Variants in CALN1 observed in about 807,000 individuals in gnomAD.
CALN1 encodes calneuron 1.
Under a neutral mutation model 30.6 loss-of-function variants are expected in CALN1, and 17 were observed. The observed-to-expected ratio is 0.56, with a 90% confidence interval of 0.38 to 0.83. The LOEUF is 0.83. CALN1 is among the 40% of genes least tolerant of loss of function. CALN1 has a pLI of 0.00. For synonymous variants in CALN1, 156 were observed against 131.4 expected (o/e 1.19, Z -1.28); for missense variants, 291 against 354.9 (o/e 0.82, Z 1.45).
intron 4 of CALN1, among the ~76,000 whole-genome samples, chr7:72,077,907 G>A (rs548194277): frequency 2.0e-5 from 3 of 152,196 alleles, no homozygotes; most frequent in Non-Finnish European, 2.9e-5. Context: ...TGGAAACATC[G>A]AGGCTCCTCC....
the CALN1 span, among the ~76,000 whole-genome samples, chr7:72,487,917 A>AAGGAAG: frequency 4.2e-4 from 26 of 62,268 alleles, no homozygotes; most frequent in Non-Finnish European, 6.1e-4. Context: ...AAAGAAAGAA[A>AAGGAAG]GAAGGAAGGA....
chr7:71,931,142 T>C (rs1039870939), intron 5 of CALN1, among the ~76,000 whole-genome samples: 1 of 152,242 alleles, frequency 6.6e-6, no homozygotes, highest in African/African-American at 2.4e-5. Context: ...TTTTGAAATG[T>C]GGGTACATGA....
chr7:72,286,839 A>G (rs1798112734), intron 2 of CALN1, among the ~76,000 whole-genome samples: 2 of 152,228 alleles, frequency 1.3e-5, no homozygotes, highest in Non-Finnish European at 2.9e-5. Context: ...TATTGCCAAT[A>G]ATGATATAAT....
chr7:71,795,685 AG>A (rs1786856627), intron 6 of CALN1, among the ~76,000 whole-genome samples: 1 of 152,166 alleles, frequency 6.6e-6, no homozygotes, highest in Admixed American at 6.6e-5. Flanking sequence ...TCTGTCTCTA[AG>A]GATTTGCCTG....
intron 3 of CALN1, among the ~76,000 whole-genome samples, chr7:72,268,793 C>CCACACACACAAACA (rs56386718): frequency 0.069 from 10,058 of 145,814 alleles, 502 homozygotes; most frequent in Middle Eastern, 0.11. Context: ...CAAGACCCTG[C>CCACACACACAAACA]CACACACACA....
the CALN1 span, among the ~76,000 whole-genome samples, chr7:72,497,734 A>G: frequency 6.6e-6 from 1 of 152,188 alleles, no homozygotes; most frequent in Non-Finnish European, 1.5e-5. Context: ...AGTCTCTACA[A>G]TGTATCATCC....
At chr7:72,038,834 G>A (rs773934182) in intron 4 of CALN1, among the ~76,000 whole-genome samples, 4 of 152,166 alleles carry the variant, frequency 2.6e-5, no homozygotes, top group Non-Finnish European at 5.9e-5. Context: ...AAAAAGGGGA[G>A]GCATAAATAA....
chr7:72,053,427 G>A (rs1802968134), intron 4 of CALN1, among the ~76,000 whole-genome samples: 1 of 152,202 alleles, frequency 6.6e-6, no homozygotes, highest in Non-Finnish European at 1.5e-5. Context: ...CACATACCCA[G>A]TAATGGGAGT....
chr7:72,172,792 C>T (rs567849489), intron 3 of CALN1, among the ~76,000 whole-genome samples: 11 of 152,252 alleles, frequency 7.2e-5, no homozygotes, highest in African/African-American at 2.6e-4. Flanking sequence ...GTAATTTCCT[C>T]AGTCTGATAA....
At chr7:72,011,389 C>A (rs189787129) in intron 5 of CALN1, among the ~76,000 whole-genome samples, 1 of 152,102 alleles carries the variant, frequency 6.6e-6, no homozygotes, top group African/African-American at 2.4e-5. Flanking sequence ...TTGGCTGCAC[C>A]GTTGAACCTC....
intron 4 of CALN1, among the ~76,000 whole-genome samples, chr7:72,100,451 G>C (rs891361066): frequency 2.0e-5 from 3 of 151,842 alleles, no homozygotes; most frequent in African/African-American, 7.3e-5. Context: ...CGAAGTGCTG[G>C]GATTACAAAA....
At chr7:72,388,027 C>CA (rs1287208520) in intron 2 of CALN1, among the ~76,000 whole-genome samples, 1 of 152,056 alleles carries the variant, frequency 6.6e-6, no homozygotes, top group African/African-American at 2.4e-5. Context: ...TAGGTTGGTG[C>CA]AAAAGTAATT....
chr7:72,203,822 C>T (rs10238190), intron 3 of CALN1, among the ~76,000 whole-genome samples: 4 of 151,442 alleles, frequency 2.6e-5, no homozygotes, highest in African/African-American at 9.7e-5. Flanking sequence ...ATTTTTTTTT[C>T]TAAGTGCAAA....
At chr7:72,386,921 A>G (rs986472820) in intron 2 of CALN1, among the ~76,000 whole-genome samples, 7 of 152,016 alleles carry the variant, frequency 4.6e-5, no homozygotes, top group Non-Finnish European at 1.0e-4. Context: ...GTACATACAT[A>G]GTTTAGTATA....
intron 6 of CALN1, among the ~76,000 whole-genome samples, chr7:71,806,306 CTTT>C (rs774646277): frequency 1.0e-4 from 14 of 136,658 alleles, no homozygotes; most frequent in African/African-American, 3.1e-4. Context: ...TTTCCCCCTC[CTTT>C]TTTTTTTTTT....
At chr7:71,831,042 C>T (rs934026853) in intron 5 of CALN1, among the ~76,000 whole-genome samples, 2 of 152,040 alleles carry the variant, frequency 1.3e-5, no homozygotes, top group Admixed American at 1.3e-4. Flanking sequence ...CCTCCTCATG[C>T]ACATAAATGC....
intron 3 of CALN1, among the ~76,000 whole-genome samples, chr7:72,276,376 T>A (rs1215106527): frequency 6.6e-6 from 1 of 152,234 alleles, no homozygotes; most frequent in Non-Finnish European, 1.5e-5. Context: ...GCTGAATGTT[T>A]GGGTCCCCCC....
intron 1 of CALN1, among the ~76,000 whole-genome samples, chr7:72,435,253 GAA>G (rs1330330963): frequency 1.3e-5 from 2 of 150,956 alleles, no homozygotes; most frequent in African/African-American, 2.4e-5. Context: ...AAAAAAAAAG[GAA>G]AAAGAAAAGA....
At chr7:71,874,526 C>CT (rs1792131430) in intron 5 of CALN1, among the ~76,000 whole-genome samples, 1 of 152,118 alleles carries the variant, frequency 6.6e-6, no homozygotes, top group Admixed American at 6.5e-5. Context: ...CACGGAATGA[C>CT]TTTGTGATTT....
Sources: gnomAD v4.1 joint callset for allele counts (sites outside exome capture counted in the v4.1 genomes callset) on GRCh38, gnomAD v4.1.1 for gene constraint, MANE v1.5 for transcripts, NCBI Gene and HGNC (gene_info 2026-07-23, HGNC 2026-07-21) for gene names.